Variants in MYO16 observed in about 807,000 individuals in gnomAD.
The protein encoded by MYO16 is myosin XVI.
In MYO16, 94 loss-of-function variants were observed where a neutral mutation model predicts 205.3. The ratio of observed to expected loss-of-function variants is 0.46; its 90% CI spans 0.39 to 0.54. The LOEUF (loss-of-function observed/expected upper bound fraction) is 0.54. Among genes scored for constraint, MYO16 ranks in the 20% least tolerant of loss-of-function variants. MYO16 has a pLI of 0.00. For synonymous variants in MYO16, 988 were observed against 954.0 expected, an observed-to-expected ratio of 1.04 and a Z score of -0.66; for missense variants, 2,315 against 2,387.5, an observed-to-expected ratio of 0.97 and a Z score of 0.63.
intron 2 of MYO16, among the ~76,000 whole-genome samples, chr13:108,704,695 C>T (rs561886311): frequency 1.3e-4 from 19 of 151,972 alleles, no homozygotes; most frequent in African/African-American, 4.6e-4. Flanking sequence ...ACCTAATCAC[C>T]CAAAGTCCAT....
At chr13:108,937,867 T>A (rs945122856) in intron 16 of MYO16, among the ~76,000 whole-genome samples, 1 of 152,224 alleles carries the variant, frequency 6.6e-6, no homozygotes, top group Non-Finnish European at 1.5e-5. Flanking sequence ...CTTTGAATGC[T>A]TTACCTGTCA....
the MYO16 span, among the ~76,000 whole-genome samples, chr13:108,526,740 G>T: frequency 6.6e-6 from 1 of 152,152 alleles, no homozygotes; most frequent in African/African-American, 2.4e-5. Flanking sequence ...GTCAAAGTAT[G>T]TCATTAATAA....
intron 2 of MYO16, among the ~76,000 whole-genome samples, chr13:108,672,616 G>A (rs1882039295): frequency 6.6e-6 from 1 of 152,058 alleles, no homozygotes; most frequent in Admixed American, 6.6e-5. Flanking sequence ...ATATTTCAGT[G>A]TGTAATTTGT....
chr13:108,518,437 T>C, the MYO16 span, among the ~76,000 whole-genome samples: 3 of 152,176 alleles, frequency 2.0e-5, no homozygotes, highest in Non-Finnish European at 4.4e-5. Flanking sequence ...GTCCTGAGTT[T>C]AGTTGATGAT....
At chr13:109,044,757 T>G (rs1886986096) in intron 23 of MYO16, among the ~76,000 whole-genome samples, 1 of 152,166 alleles carries the variant, frequency 6.6e-6, no homozygotes, top group Non-Finnish European at 1.5e-5. Flanking sequence ...TGGCAGAATC[T>G]CAGCTCACTG....
In MYO16 at chr13:109,125,122, A is replaced by T; in HGVS notation, c.3546A>T (p.Gly1182=). The part of the protein sequence containing the change: ...KIITCQKVIR[G]FLARQHLLQR... ...ATCCTTCTATAAAAGTTATCAGAGGATTTTTAGCACGCCAGCACCTGCTTC... is the reference window on the plus strand; with the variant it reads ...ATCCTTCTATAAAAGTTATCAGAGGTTTTTTAGCACGCCAGCACCTGCTTC... The change falls in exon 30 of 35, where the codon GGA becomes GGT. Residue 1182 remains glycine (G), a synonymous_variant. Coordinates refer to ENST00000457511, the MANE Select transcript of MYO16 (RefSeq NM_001198950.3). This position sits in a 1 kb window ranked among gnomAD's most constrained non-coding sequence, Gnocchi z 4.0. The T allele has an allele frequency of 1.2e-6, 2 of 1,614,042 alleles. No individual in the cohort carries two copies. Among genetic ancestry groups the T allele is most frequent in the Non-Finnish European group, 1.7e-6 (2 of 1,179,982 alleles).
At chr13:109,198,135 A>C (rs1880236492) in intron 34 of MYO16, among the ~76,000 whole-genome samples, 1 of 152,162 alleles carries the variant, frequency 6.6e-6, no homozygotes, top group African/African-American at 2.4e-5. Flanking sequence ...CAACAGTATA[A>C]ATAATATTAC....
chr13:108,935,456 A>G (rs899839041), intron 16 of MYO16, among the ~76,000 whole-genome samples: 2 of 152,300 alleles, frequency 1.3e-5, no homozygotes, highest in Admixed American at 1.3e-4. Flanking sequence ...ATTTTTCTAC[A>G]TAACTTTCAT....
the MYO16 span, among the ~76,000 whole-genome samples, chr13:108,536,014 C>T: frequency 5.6e-5 from 8 of 141,594 alleles, no homozygotes; most frequent in African/African-American, 1.2e-4. Context: ...TATGCGCATA[C>T]GTGTGTGTGC....
intron 15 of MYO16, 100 bp from the exon 16 acceptor site, chr13:108,909,903 A>G: frequency 7.9e-7 from 1 of 1,260,598 alleles, no homozygotes; most frequent in Non-Finnish European, 1.1e-6. Context: ...GGGAGAACTC[A>G]ACAGTCCTTG....
upstream of MYO16, among the ~76,000 whole-genome samples, chr13:108,626,759 C>A (rs934081371): frequency 6.6e-6 from 1 of 151,314 alleles, no homozygotes; most frequent in African/African-American, 2.4e-5. Context: ...GAGCCAAGAT[C>A]GCGCCATTGC....
intron 32 of MYO16, among the ~76,000 whole-genome samples, chr13:109,147,723 G>C (rs899178056): frequency 3.9e-5 from 6 of 152,120 alleles, no homozygotes; most frequent in African/African-American, 1.2e-4. Flanking sequence ...AAAAAGTGTG[G>C]AAGATAATTT....
At chr13:108,527,858 G>A in the MYO16 span, among the ~76,000 whole-genome samples, 1 of 152,090 alleles carries the variant, frequency 6.6e-6, no homozygotes, top group African/African-American at 2.4e-5. Flanking sequence ...ACATTTCTAA[G>A]TTAGCAGTAT....
chr13:108,916,324 T>A lies in MYO16; in HGVS notation c.1925+6174T>A, dbSNP rs962919704. ...CAGAGGGTGCAAGGCTGTGTCTGTA[T>A]TGTATAGTGAGATGTCACCCAGTAG... is the stretch of plus-strand genomic sequence containing the variant. On this transcript the variant is annotated intron_variant, in intron 16 of 34. Transcript: ENST00000457511. 4.7e-4 allele frequency among the ~76,000 whole-genome samples: 71 copies of A among 152,210 alleles called. 6 individuals carry two copies. The highest frequency in any genetic ancestry group is 4.4e-5 in the Non-Finnish European group (3 of 68,040).
chr13:108,914,262 T>C (rs956439388), intron 16 of MYO16, among the ~76,000 whole-genome samples: 1 of 150,956 alleles, frequency 6.6e-6, no homozygotes, highest in Non-Finnish European at 1.5e-5. Flanking sequence ...TTATATGTAG[T>C]ATATCTACTA....
chr13:109,145,302 C>T (rs548854462), intron 32 of MYO16, among the ~76,000 whole-genome samples: 4 of 152,132 alleles, frequency 2.6e-5, no homozygotes, highest in African/African-American at 9.6e-5. Context: ...TGCAGTAACT[C>T]TGTCTCTAGA....
Position 108,806,792 on chromosome 13 carries a change from C to A in MYO16, c.855C>A (p.Ala285=). 6.5e-7 allele frequency: 1 copy of A among 1,545,952 alleles called. No individual in the cohort carries two copies. Among genetic ancestry groups the A allele is most frequent in the South Asian group, 1.3e-5 (1 of 74,956 alleles). The change falls in exon 7 of 35, where the codon GCC becomes GCA. Residue 285 remains alanine (A), a synonymous_variant. Transcript: ENST00000457511. ...ACTGGACTCCCCTCCACTTGGCAGC[C>A]AAATATGGCCAGGTAGAGTGATTTG... is the stretch of plus-strand genomic sequence containing the variant. ...DQYWTPLHLA[A]KYGQTNLVKL...
At chr13:108,801,785 G>A (rs1026654977) in intron 6 of MYO16, among the ~76,000 whole-genome samples, 13 of 152,090 alleles carry the variant, frequency 8.5e-5, no homozygotes, top group African/African-American at 3.1e-4. Flanking sequence ...AGATAACCAG[G>A]CCCAAAGAGA....
At chr13:109,083,369 G>A (rs1207253094) in intron 27 of MYO16, among the ~76,000 whole-genome samples, 1 of 115,566 alleles carries the variant, frequency 8.7e-6, no homozygotes, top group Non-Finnish European at 1.7e-5. Flanking sequence ...GGCAAAAAGA[G>A]GGAAACTCCG....
Sources: gnomAD v4.1 joint callset for allele counts (sites outside exome capture counted in the v4.1 genomes callset) on GRCh38, gnomAD v4.1.1 for gene constraint, Gnocchi (gnomAD v3.1) non-coding constraint, MANE v1.5 for transcripts, NCBI Gene and HGNC (gene_info 2026-07-23, HGNC 2026-07-21) for gene names.